Variants in CPNE9 observed in about 807,000 individuals in gnomAD.
The protein encoded by CPNE9 is copine family member 9, also known as copine-9.
A neutral mutation model predicts 83.0 loss-of-function variants in CPNE9; 59 were observed. That is an observed-to-expected ratio of 0.71 (90% CI 0.58 to 0.88). The LOEUF (loss-of-function observed/expected upper bound fraction) is 0.88. Among genes scored for constraint, CPNE9 ranks in the 40% least tolerant of loss-of-function variants. The pLI is 0.00. For synonymous variants in CPNE9, 256 were observed against 273.4 expected (o/e 0.94, Z 0.63); for missense variants, 619 against 720.8 (o/e 0.86, Z 1.62).
chr3:9,720,607 G>A (rs1185009805), intron 17 of CPNE9, among the ~76,000 whole-genome samples: 1 of 152,146 alleles, frequency 6.6e-6, no homozygotes, highest in Non-Finnish European at 1.5e-5. Flanking sequence ...CATGGAATGT[G>A]GATGTATATA....
chr3:9,712,793 C>G lies in CPNE9; in HGVS notation c.510C>G (p.Pro170=), dbSNP rs369328540. 1.4e-5 allele frequency: 22 copies of G among 1,614,044 alleles called. No homozygotes were observed. Among genetic ancestry groups the G allele is most frequent in the Non-Finnish European group, 1.6e-5 (19 of 1,180,042 alleles). ...DKKDFFGKSD[P]FLVFYRSNED... ...AGGACTTCTTTGGGAAATCAGACCC[C>G]TTCCTTGTGTTCTACAGGAGCAATG... Residue 170 remains proline, a synonymous_variant, in exon 9 of 21, where the codon CCC becomes CCG. Coordinates refer to ENST00000383832, the MANE Select transcript of CPNE9 (RefSeq NM_153635.3).
rs898870848 is a variant in CPNE9 at position 9,713,882 on chromosome 3, T to C, written c.650+803T>C. Among the ~76,000 whole-genome samples, 142 of 151,790 alleles carry C rather than the reference T, an allele frequency of 9.4e-4. 1 individual carries two copies. The highest frequency in any genetic ancestry group is 3.2e-3 in the African/African-American group (134 of 41,368). On this transcript the variant is annotated intron_variant, in intron 10 of 20. Transcript: ENST00000383832. Reference sequence around the variant, plus strand: ...GTCAGGAGATCGAGACCATCCTGGCTAACACGGTGAAACCCCATCTCTACT... The same window carrying C: ...GTCAGGAGATCGAGACCATCCTGGCCAACACGGTGAAACCCCATCTCTACT...
chr3:9,726,733 A>G lies in CPNE9; in HGVS notation c.1402+11A>G, dbSNP rs764242559. The G allele has an allele frequency of 6.2e-7, 1 of 1,613,260 alleles. No homozygotes were observed. The highest frequency in any genetic ancestry group is 8.5e-7 in the Non-Finnish European group (1 of 1,179,268). ...CAGCCATGTTTGAGGGTGAGTAGGA[A>G]GGGGTGTCCCTGAGTGGGACTAAGA... is the stretch of plus-strand genomic sequence containing the variant. On this transcript the variant is annotated intron_variant, in intron 19 of 20. Coordinates refer to ENST00000383832, the MANE Select transcript of CPNE9 (RefSeq NM_153635.3).
Position 9,718,120 on chromosome 3 carries a change from C to T in CPNE9, c.1023C>T (p.Ile341=). 2 of 1,614,110 alleles carry T rather than the reference C, an allele frequency of 1.2e-6. No homozygotes were observed. Among genetic ancestry groups the T allele is most frequent in the Non-Finnish European group, 1.7e-6 (2 of 1,179,986 alleles). The change falls in exon 16 of 21, where the codon ATC becomes ATT. Residue 341 remains isoleucine, a synonymous_variant. Coordinates refer to ENST00000383832, the MANE Select transcript of CPNE9 (RefSeq NM_153635.3). ...CCCTCAAGGCAGTGGGAGAGATCAT[C>T]CAGGACTATGACAGTGATAAGCTCT... ...AMALKAVGEI[I]QDYDSDKLFP...
intron 17 of CPNE9, among the ~76,000 whole-genome samples, chr3:9,725,398 G>A (rs1451090254): frequency 6.6e-6 from 1 of 151,836 alleles, no homozygotes; most frequent in African/African-American, 2.4e-5. Flanking sequence ...AGCCAGGTGT[G>A]GTGGCTCACA....
chr3:9,710,507 G>A (rs569389490), intron 7 of CPNE9, among the ~76,000 whole-genome samples: 1 of 152,276 alleles, frequency 6.6e-6, no homozygotes, highest in South Asian at 2.1e-4. Context: ...AAGAAGGAGT[G>A]AAACTGCCAT....
At chr3:9,719,996 A>AAT (rs1553691132) in intron 17 of CPNE9, among the ~76,000 whole-genome samples, 11 of 150,440 alleles carry the variant, frequency 7.3e-5, no homozygotes, top group East Asian at 3.9e-4. Flanking sequence ...GTCTCAAAAA[A>AAT]ATATATATAT....
Position 9,718,024 on chromosome 3 carries a change from T to TA in CPNE9, c.932-4dup. ...CATGAGGCTGGGGTTCCTGTGTCCC[T>TA]ACAGGGAATCCTCTGCAGCCTACCT... is the stretch of plus-strand genomic sequence containing the variant. On this transcript the variant is annotated splice_polypyrimidine_tract_variant and splice_region_variant and intron_variant, in intron 15 of 20. Coordinates refer to ENST00000383832, the MANE Select transcript of CPNE9 (RefSeq NM_153635.3). 6.2e-7 allele frequency: 1 copy of TA among 1,600,258 alleles called. No individual in the cohort carries two copies. The highest frequency in any genetic ancestry group is 8.5e-7 in the Non-Finnish European group (1 of 1,172,548).
At chr3:9,710,435 T>C (rs1452031836) in intron 7 of CPNE9, among the ~76,000 whole-genome samples, 4 of 151,998 alleles carry the variant, frequency 2.6e-5, no homozygotes, top group Middle Eastern at 6.8e-3. Flanking sequence ...GTTCAGTGAG[T>C]AGGAAACAAG....
chr3:9,716,474 ATT>A (rs111336803), intron 14 of CPNE9, among the ~76,000 whole-genome samples: 6 of 147,698 alleles, frequency 4.1e-5, no homozygotes, highest in African/African-American at 9.9e-5. Flanking sequence ...TAAAATGAGG[ATT>A]TTTTTTTTTT....
intron 20 of CPNE9, 103 bp downstream of exon 20, chr3:9,727,289 T>TC (rs2076793320): frequency 8.2e-7 from 1 of 1,216,874 alleles, no homozygotes; most frequent in Non-Finnish European, 1.2e-6. Context: ...CCTACTTTTT[T>TC]CCCCCGTCAC....
intron 17 of CPNE9, among the ~76,000 whole-genome samples, chr3:9,725,352 T>C (rs893314978): frequency 2.0e-5 from 3 of 151,822 alleles, no homozygotes; most frequent in Non-Finnish European, 2.9e-5. Context: ...CTGGCCAACA[T>C]GGTGAAACCT....
At chr3:9,705,104 C>T in intron 4 of CPNE9, 110 bp downstream of exon 4, 1 of 812,652 alleles carries the variant, frequency 1.2e-6, no homozygotes, top group Non-Finnish European at 2.1e-6. Flanking sequence ...TCTCGCAGGC[C>T]TCCCTCCCAT....
Position 9,704,026 on chromosome 3 carries a change from C to G in CPNE9, c.30C>G (p.Ser10Arg), listed in dbSNP as rs778654807. 6.2e-7 allele frequency: 1 copy of G among 1,607,772 alleles called. No homozygotes were observed. Among genetic ancestry groups the G allele is most frequent in the Non-Finnish European group, 8.5e-7 (1 of 1,178,388 alleles). Reference sequence around the variant, plus strand: ...CTCTCGGCGGAGCCTCCGAGCGCAGCGTCCCGGCCACCAAGATTGAAATTA... The same window carrying G: ...CTCTCGGCGGAGCCTCCGAGCGCAGGGTCCCGGCCACCAAGATTGAAATTA... Reference protein sequence around the residue: MSLGGASERSVPATKIEITV... With the variant: MSLGGASERRVPATKIEITV... Residue 10 changes from serine to arginine, a missense_variant, in exon 1 of 21, where the codon AGC (serine) becomes AGG (arginine). By Grantham distance (110) the Ser-to-Arg change is moderately radical. Around this residue, in one of 3 missense-constraint regions of CPNE9, gnomAD observed 130 missense variants for 117.5 expected, o/e 1.11. Coordinates refer to ENST00000383832, the MANE Select transcript of CPNE9 (RefSeq NM_153635.3). This position sits in a 1 kb window ranked among gnomAD's most constrained non-coding sequence, Gnocchi z 7.1.
rs1343108253 is a variant in CPNE9 at position 9,715,504 on chromosome 3, AG to A, written c.801del (p.Lys268AsnfsTer8). ...VLNPRKKCKK[K>X]KYVNSGTVTL... ...AACCCTCGGAAGAAATGTAAGAAGAAGAAATATGTCAACTCAGGAACTGTGA... is the reference window on the plus strand; with the variant it reads ...AACCCTCGGAAGAAATGTAAGAAGAAAAATATGTCAACTCAGGAACTGTGA... On this transcript the variant is annotated frameshift_variant, in exon 13 of 21. Transcript: ENST00000383832. LOFTEE classifies it high-confidence loss of function. The A allele has an allele frequency of 3.1e-6, 5 of 1,614,084 alleles. No homozygotes were observed. Among genetic ancestry groups the A allele is most frequent in the Non-Finnish European group, 4.2e-6 (5 of 1,179,928 alleles).
At position 9,714,470 on chromosome 3, in the gene CPNE9, C is replaced by CTAGT. The variant is rs1207487635; in HGVS notation, c.651-441_651-440insTTAG. ...GTTTAAATCTCAGTTCAGTCATTTA[C>CTAGT]TAGCTATGAGATCTTAGCCAAATTA... On this transcript the variant is annotated intron_variant, in intron 10 of 20. Coordinates refer to ENST00000383832, the MANE Select transcript of CPNE9 (RefSeq NM_153635.3). Among the ~76,000 whole-genome samples the CTAGT allele has an allele frequency of 2.0e-5, 3 of 151,180 alleles. No individual in the cohort carries two copies. The East Asian group carries it at 5.8e-4, about 29-fold the overall frequency.
At position 9,713,015 on chromosome 3, in the gene CPNE9, C is replaced by G; in HGVS notation, c.586C>G (p.Leu196Val). 2 of 1,614,204 alleles carry G rather than the reference C, an allele frequency of 1.2e-6. No individual in the cohort carries two copies. Among genetic ancestry groups the G allele is most frequent in the Middle Eastern group, 1.6e-4 (1 of 6,062 alleles). ...CAAGACAGAGGTTGTGAAAAACACG[C>G]TGAATCCTGTGTGGCAGCCCTTCAG... ...CHKTEVVKNT[L>V]NPVWQPFSIP... Residue 196 changes from leucine (L) to valine (V), a missense_variant, in exon 10 of 21, where the codon CTG becomes GTG. Physicochemically the swap from Leu to Val is conservative, Grantham distance 32 (BLOSUM62 1). Around this residue, in one of 3 missense-constraint regions of CPNE9, gnomAD observed 438 missense variants for 562.9 expected, o/e 0.78. Transcript: ENST00000383832.
chr3:9,709,230 C>T (rs1286292810), intron 7 of CPNE9, among the ~76,000 whole-genome samples: 1 of 143,328 alleles, frequency 7.0e-6, no homozygotes, highest in African/African-American at 2.6e-5. Flanking sequence ...GAGCCGAGAT[C>T]ACGCTACTGC....
intron 7 of CPNE9, among the ~76,000 whole-genome samples, chr3:9,709,624 T>C (rs949065052): frequency 2.6e-5 from 4 of 151,244 alleles, no homozygotes; most frequent in Non-Finnish European, 5.9e-5. Context: ...CACCTTGGCC[T>C]CCCAAAGTGC....
Sources: gnomAD v4.1 joint callset for allele counts (sites outside exome capture counted in the v4.1 genomes callset) on GRCh38, gnomAD v4.1.1 for gene constraint, gnomAD v4.1.1 regional missense constraint, Gnocchi (gnomAD v3.1) non-coding constraint, MANE v1.5 for transcripts, NCBI Gene and HGNC (gene_info 2026-07-23, HGNC 2026-07-21) for gene names.